The following PTPRQ variants were observed in gnomAD, a reference collection of about 807,000 sequenced individuals.
PTPRQ encodes protein tyrosine phosphatase receptor type Q.
A neutral mutation model predicts 246.0 loss-of-function variants in PTPRQ; 199 were observed. The observed-to-expected ratio is 0.81, with a 90% CI of 0.72 to 0.91. The LOEUF (loss-of-function observed/expected upper bound fraction) is 0.91. Among genes scored for constraint, PTPRQ ranks in the 40% least tolerant of loss-of-function variants. The pLI is 0.00. For missense variants in PTPRQ, 2,624 were observed against 2,528.4 expected (o/e 1.04, Z -0.81); for synonymous variants, 869 against 853.2 (o/e 1.02, Z -0.32).
intron 12 of PTPRQ, 57 bp downstream of exon 12, chr12:80,495,428 T>C (rs1003574525): frequency 6.8e-7 from 1 of 1,463,536 alleles, no homozygotes; most frequent in Non-Finnish European, 9.0e-7. Flanking sequence ...TCTATTCTGG[T>C]GGAAAATATG....
At position 80,541,616 on chromosome 12, in the gene PTPRQ, A is replaced by G. The variant is rs766952709; in HGVS notation, c.3216A>G (p.Val1072=). 48 of 1,547,066 alleles carry G rather than the reference A, an allele frequency of 3.1e-5. No homozygotes were observed. The highest frequency in any genetic ancestry group is 3.8e-5 in the Non-Finnish European group (44 of 1,144,854). The change falls in exon 21 of 45, where the codon GTA becomes GTG. Residue 1072 remains valine (V), a synonymous_variant. Coordinates refer to ENST00000644991, the MANE Select transcript of PTPRQ (RefSeq NM_001145026.2). The part of the protein sequence containing the change: ...YESISSTAIN[V]SWVPPAQPNG... Reference sequence around the variant, plus strand: ...CCATTTCGTCAACTGCAATAAATGTAAGCTGGGTCCCACCGGCTCAACCAA... The same window carrying G: ...CCATTTCGTCAACTGCAATAAATGTGAGCTGGGTCCCACCGGCTCAACCAA...
At chr12:80,661,778 T>TA (rs941482984) in intron 39 of PTPRQ, among the ~76,000 whole-genome samples, 6 of 151,302 alleles carry the variant, frequency 4.0e-5, no homozygotes, top group African/African-American at 9.7e-5. Context: ...AACTTTAACA[T>TA]AAAAAAATCT....
chr12:80,453,147 G>A (rs1288457455), intron 3 of PTPRQ, among the ~76,000 whole-genome samples: 2 of 152,002 alleles, frequency 1.3e-5, no homozygotes. Context: ...CTTTCTTCCA[G>A]TTGATCGCAT....
At chr12:80,487,038 G>A (rs1053110463) in intron 9 of PTPRQ, among the ~76,000 whole-genome samples, 1 of 152,000 alleles carries the variant, frequency 6.6e-6, no homozygotes, top group African/African-American at 2.4e-5. Context: ...ACAGAGCTTT[G>A]GTTTCAGCCA....
chr12:80,566,681 A>G (rs1896989223), intron 25 of PTPRQ, among the ~76,000 whole-genome samples: 1 of 151,836 alleles, frequency 6.6e-6, no homozygotes, highest in African/African-American at 2.4e-5. Flanking sequence ...CTGGGACTAC[A>G]GGCACATGCC....
chr12:80,496,890 A>G (rs1056264443), intron 14 of PTPRQ, among the ~76,000 whole-genome samples: 1 of 151,978 alleles, frequency 6.6e-6, no homozygotes, highest in African/African-American at 2.4e-5. Context: ...TGAGATTCTA[A>G]TGAGGTATGT....
intron 38 of PTPRQ, among the ~76,000 whole-genome samples, chr12:80,653,107 A>G (rs749578779): frequency 3.3e-5 from 5 of 152,170 alleles, no homozygotes; most frequent in Admixed American, 6.6e-5. Context: ...ATTAAACCCA[A>G]GTAATGAACC....
At position 80,562,619 on chromosome 12, in the gene PTPRQ, G is replaced by A. The variant is rs1592658125; in HGVS notation, c.4285+12885G>A. 2.0e-5 allele frequency among the ~76,000 whole-genome samples: 3 copies of A among 152,138 alleles called. No individual in the cohort carries two copies. In the East Asian group the frequency reaches 5.8e-4, roughly 29 times the overall value. On this transcript the variant is annotated intron_variant, in intron 25 of 44. Coordinates refer to ENST00000644991, the MANE Select transcript of PTPRQ (RefSeq NM_001145026.2). ...ATGAAAATTCAACATATCAAAATTT[G>A]TGAGACTCAGTGAAAAGAAAGAAAT...
intron 4 of PTPRQ, among the ~76,000 whole-genome samples, chr12:80,458,365 T>G (rs7294621): frequency 6.6e-6 from 1 of 152,004 alleles, no homozygotes; most frequent in Non-Finnish European, 1.5e-5. Flanking sequence ...TGTCCTGAAG[T>G]CCCTTAATTC....
At chr12:80,485,346 A>G (rs1439186827) in intron 9 of PTPRQ, among the ~76,000 whole-genome samples, 1 of 152,142 alleles carries the variant, frequency 6.6e-6, no homozygotes, top group African/African-American at 2.4e-5. Flanking sequence ...TCCCCGGGGC[A>G]TTCAAAGAAT....
Position 80,645,725 on chromosome 12 carries a change from G to A in PTPRQ, c.5916-3172G>A, listed in dbSNP as rs536207558. Among the ~76,000 whole-genome samples, 3 of 152,020 alleles carry A rather than the reference G, an allele frequency of 2.0e-5. No individual in the cohort carries two copies. The South Asian group carries it at 6.2e-4, about 32-fold the overall frequency. On this transcript the variant is annotated intron_variant, in intron 35 of 44. Transcript: ENST00000644991. Reference sequence around the variant, plus strand: ...AGTAGAACAGAGTAAGATCGATAGGGTTGTTAACATTTGAATCAGGTATTA... The same window carrying A: ...AGTAGAACAGAGTAAGATCGATAGGATTGTTAACATTTGAATCAGGTATTA...
Position 80,609,172 on chromosome 12 carries a change from T to TA in PTPRQ, c.4732-1267_4732-1266insA, listed in dbSNP as rs1898451367. On this transcript the variant is annotated intron_variant, in intron 27 of 44. Transcript: ENST00000644991. The stretch of plus-strand genomic sequence containing the variant: ...CTTTTTTTATAGCAACATCTTTTTT[T>TA]TAAAAAAAAATTGAGTTAATTTTAT... 4.0e-5 allele frequency among the ~76,000 whole-genome samples: 6 copies of TA among 150,498 alleles called. No homozygotes were observed. The South Asian group carries it at 8.3e-4, about 21-fold the overall frequency.
chr12:80,445,896 C>T (rs13378038), intron 3 of PTPRQ, among the ~76,000 whole-genome samples, 179 bp downstream of exon 3: 5 of 151,810 alleles, frequency 3.3e-5, no homozygotes, highest in South Asian at 2.1e-4. Flanking sequence ...GTTATTGTGT[C>T]TTTTCATTTC....
At chr12:80,621,594 A>G (rs1217099879) in intron 32 of PTPRQ, among the ~76,000 whole-genome samples, 1 of 151,244 alleles carries the variant, frequency 6.6e-6, no homozygotes, top group Non-Finnish European at 1.5e-5. Context: ...ACACAGAAAT[A>G]ACAAACATTT....
At position 80,635,517 on chromosome 12, in the gene PTPRQ, A is replaced by G. The variant is rs549125202; in HGVS notation, c.5915+444A>G. On this transcript the variant is annotated intron_variant, in intron 35 of 44. Coordinates refer to ENST00000644991, the MANE Select transcript of PTPRQ (RefSeq NM_001145026.2). ...TTAATAACTATTTCAGTATAAAAGT[A>G]CATAAAAGTCTAAGTTGTATATGAT... 1.7e-3 allele frequency among the ~76,000 whole-genome samples: 266 copies of G among 152,246 alleles called. 1 individual carries two copies. Among genetic ancestry groups the G allele is most frequent in the African/African-American group, 6.2e-3 (258 of 41,572 alleles).
At chr12:80,481,580 A>C (rs1184308720) in intron 8 of PTPRQ, among the ~76,000 whole-genome samples, 1 of 152,130 alleles carries the variant, frequency 6.6e-6, no homozygotes, top group African/African-American at 2.4e-5. Context: ...AGAGGAAGTC[A>C]AATTGTCCCT....
At chr12:80,465,032 C>CA (rs1157074528) in intron 6 of PTPRQ, among the ~76,000 whole-genome samples, 2 of 105,590 alleles carry the variant, frequency 1.9e-5, no homozygotes, top group African/African-American at 7.6e-5. Context: ...CATAGAGACA[C>CA]AAAAAACCCT....
chr12:80,446,147 A>G (rs7296335), intron 3 of PTPRQ, among the ~76,000 whole-genome samples: 41,876 of 151,382 alleles, frequency 0.28, 6,249 homozygotes, highest in African/African-American at 0.38. Context: ...AATTCCTAGA[A>G]ACCACAGTAA....
At chr12:80,582,839 AGT>A (rs368001724) in intron 25 of PTPRQ, among the ~76,000 whole-genome samples, 1 of 152,186 alleles carries the variant, frequency 6.6e-6, no homozygotes, top group Non-Finnish European at 1.5e-5. Context: ...TGTGCAACAG[AGT>A]GAGACCTTGT....
Sources: allele counts gnomAD v4.1 joint callset (sites outside exome capture counted in the v4.1 genomes callset), GRCh38; gene constraint gnomAD v4.1.1; transcripts MANE v1.5; gene names NCBI Gene and HGNC (gene_info 2026-07-23, HGNC 2026-07-21).